The following ZFYVE1 variants were observed in gnomAD, a reference collection of about 807,000 sequenced individuals.
ZFYVE1 encodes the protein zinc finger FYVE-type containing 1.
ZFYVE1 carries 30 observed loss-of-function variants against 74.4 expected under a neutral mutation model. The observed-to-expected ratio is 0.40, with a 90% confidence interval of 0.30 to 0.55. The LOEUF (loss-of-function observed/expected upper bound fraction) is 0.55, where lower values mean the gene tolerates loss of function less well. ZFYVE1 is among the 20% of genes least tolerant of loss of function. The pLI is 0.42. For synonymous variants in ZFYVE1, 335 were observed against 385.1 expected (o/e 0.87, Z 1.52); for missense variants, 703 against 1,011.6 (o/e 0.69, Z 4.14).
At chr14:73,004,976 A>T (rs1893947556) in intron 2 of ZFYVE1, among the ~76,000 whole-genome samples, 1 of 147,806 alleles carries the variant, frequency 6.8e-6, no homozygotes, top group African/African-American at 2.5e-5. Flanking sequence ...AGCCTGGGTG[A>T]CAGTGAGACC....
rs570699151 is a variant in ZFYVE1, at chr14:72,970,606, G to T, written c.*276C>A. On this transcript the variant is annotated 3_prime_UTR_variant, in exon 12 of 12. Transcript: ENST00000556143. ...CTTTCATATGTATATATGAGAGAGAGATATACACATATATATTCATTATTT... is the reference window on the plus strand; with the variant it reads ...CTTTCATATGTATATATGAGAGAGATATATACACATATATATTCATTATTT... 1.3e-4 allele frequency: 66 copies of T among 494,142 alleles called. No individual in the cohort carries two copies. In the Admixed American group the frequency reaches 2.0e-3, roughly 15 times the overall value. 30.6% of individuals were successfully genotyped at this position (494,142 alleles called of 1,614,324 possible). A position where few individuals can be genotyped will look rare whatever the true frequency, so the allele number is the denominator to read the frequency against.
intron 2 of ZFYVE1, among the ~76,000 whole-genome samples, chr14:73,004,805 C>T (rs1241901913): frequency 2.0e-5 from 3 of 152,102 alleles, no homozygotes; most frequent in African/African-American, 7.2e-5. Context: ...TGAGACCAGC[C>T]TTGGCAACCT....
chr14:72,969,569 G>A lies in ZFYVE1; in HGVS notation c.*1313C>T, dbSNP rs2140336620. On this transcript the variant is annotated 3_prime_UTR_variant, in exon 12 of 12. Transcript: ENST00000556143. ...GCTGAGAGGGACGACACACTCCAGG[G>A]CTCATGTCACACCGATAGGCGCACC... 2 of 636,502 alleles carry A rather than the reference G, an allele frequency of 3.1e-6. No homozygotes were observed. Among genetic ancestry groups the A allele is most frequent in the East Asian group, 2.7e-5 (1 of 36,814 alleles). The allele number at this position is 636,502 out of a possible 1,614,324, so 39.4% of individuals were successfully genotyped here.
At chr14:73,008,459 A>G (rs142948664) in intron 2 of ZFYVE1, among the ~76,000 whole-genome samples, 3 of 152,162 alleles carry the variant, frequency 2.0e-5, no homozygotes, top group Non-Finnish European at 2.9e-5. Context: ...TGCCTGGCCT[A>G]ATAAAAGTGT....
At chr14:72,985,498 A>ATT (rs558711759) in intron 4 of ZFYVE1, among the ~76,000 whole-genome samples, 1 of 145,666 alleles carries the variant, frequency 6.9e-6, no homozygotes, top group African/African-American at 2.5e-5. Flanking sequence ...TGTATGGATA[A>ATT]TTTTTTTTTT....
At chr14:72,991,436 G>A (rs1054069161) in intron 4 of ZFYVE1, among the ~76,000 whole-genome samples, 12 of 152,004 alleles carry the variant, frequency 7.9e-5, no homozygotes, top group Non-Finnish European at 1.6e-4. Context: ...TGATCCGCCC[G>A]CCTCGGCTTC....
chr14:73,019,520 T>G (rs1894271136), intron 2 of ZFYVE1, among the ~76,000 whole-genome samples: 1 of 152,204 alleles, frequency 6.6e-6, no homozygotes, highest in Admixed American at 6.5e-5. Context: ...GACACTTTAC[T>G]GCTATTAGGA....
At chr14:72,990,298 T>C (rs1893576712) in intron 4 of ZFYVE1, among the ~76,000 whole-genome samples, 3 of 151,920 alleles carry the variant, frequency 2.0e-5, no homozygotes, top group Non-Finnish European at 2.9e-5. Context: ...TAGCTCAGTA[T>C]AACACAGCCC....
chr14:73,026,412 TAATC>T (rs1737290408), intron 1 of ZFYVE1, among the ~76,000 whole-genome samples: 1 of 152,012 alleles, frequency 6.6e-6, no homozygotes, highest in Non-Finnish European at 1.5e-5. Context: ...TCCCCTACAG[TAATC>T]AATCTATCAA....
chr14:73,005,455 A>G (rs1208666685), intron 2 of ZFYVE1, among the ~76,000 whole-genome samples: 3 of 152,142 alleles, frequency 2.0e-5, no homozygotes, highest in African/African-American at 7.2e-5. Context: ...TGGCCTTACC[A>G]ACAGCAAACG....
intron 2 of ZFYVE1, among the ~76,000 whole-genome samples, chr14:73,015,585 T>C (rs1047375894): frequency 5.9e-5 from 9 of 152,102 alleles, no homozygotes; most frequent in Admixed American, 5.2e-4. Context: ...GGTTTTGCCA[T>C]GTTAGCCAGG....
intron 2 of ZFYVE1, among the ~76,000 whole-genome samples, chr14:73,003,463 G>A (rs1028577907): frequency 7.2e-5 from 11 of 152,252 alleles, no homozygotes; most frequent in Middle Eastern, 3.4e-3. Flanking sequence ...CCAAATCCCC[G>A]TGCTTTGGGA....
At chr14:72,983,413 C>T (rs182098277) in intron 4 of ZFYVE1, among the ~76,000 whole-genome samples, 9,521 of 137,560 alleles carry the variant, frequency 0.069, 402 homozygotes, top group Admixed American at 0.11. Context: ...CAAGTGTTCT[C>T]ATTGTTCAAT....
intron 4 of ZFYVE1, among the ~76,000 whole-genome samples, chr14:72,986,405 T>C (rs181201009): frequency 6.7e-6 from 1 of 150,038 alleles, no homozygotes; most frequent in African/African-American, 2.5e-5. Flanking sequence ...GCCTGACTAA[T>C]GAATCAGACC....
chr14:73,006,658 G>C (rs924624603), intron 2 of ZFYVE1, among the ~76,000 whole-genome samples: 1 of 148,674 alleles, frequency 6.7e-6, no homozygotes, highest in African/African-American at 2.5e-5. Context: ...CTCCCAAGAA[G>C]AGTCTGTAAA....
chr14:72,969,567 G>C lies in ZFYVE1; in HGVS notation c.*1315C>G, dbSNP rs1343532993. 4 of 631,230 alleles carry C rather than the reference G, an allele frequency of 6.3e-6. No individual in the cohort carries two copies. Among genetic ancestry groups the C allele is most frequent in the Non-Finnish European group, 1.1e-5 (4 of 353,334 alleles). The allele number at this position is 631,230 out of a possible 1,614,324, so 39.1% of individuals were successfully genotyped here. ...GGGCTGAGAGGGACGACACACTCCAGGGCTCATGTCACACCGATAGGCGCA... is the reference window on the plus strand; with the variant it reads ...GGGCTGAGAGGGACGACACACTCCACGGCTCATGTCACACCGATAGGCGCA... On this transcript the variant is annotated 3_prime_UTR_variant, in exon 12 of 12. Coordinates refer to ENST00000556143, the MANE Select transcript of ZFYVE1 (RefSeq NM_021260.4).
chr14:73,010,801 A>G (rs907764003), intron 2 of ZFYVE1, among the ~76,000 whole-genome samples: 1 of 149,992 alleles, frequency 6.7e-6, no homozygotes, highest in Non-Finnish European at 1.5e-5. Context: ...AACCACACAC[A>G]AAACAAAAAA....
Position 72,969,970 on chromosome 14 carries a change from A to G in ZFYVE1, c.*912T>C. On this transcript the variant is annotated 3_prime_UTR_variant, in exon 12 of 12. Coordinates refer to ENST00000556143, the MANE Select transcript of ZFYVE1 (RefSeq NM_021260.4). ...GAACAAAGGATTAAGACACTTTAAA[A>G]TAAGCAATGAAAATCCTAGTGCGAC... 2 of 440,754 alleles carry G rather than the reference A, an allele frequency of 4.5e-6. No homozygotes were observed. Among genetic ancestry groups the G allele is most frequent in the Non-Finnish European group, 8.1e-6 (2 of 246,942 alleles). 27.3% of individuals were successfully genotyped at this position (440,754 alleles called of 1,614,324 possible). A position where few individuals can be genotyped will look rare whatever the true frequency, so the allele number is the denominator to read the frequency against.
chr14:73,003,237 T>C (rs1489983691), intron 2 of ZFYVE1, among the ~76,000 whole-genome samples: 4 of 151,866 alleles, frequency 2.6e-5, no homozygotes, highest in African/African-American at 9.7e-5. Context: ...TTTGTACTTT[T>C]AGTAGAGATG....
Sources: gnomAD v4.1 joint callset for allele counts (sites outside exome capture counted in the v4.1 genomes callset) on GRCh38, gnomAD v4.1.1 for gene constraint, MANE v1.5 for transcripts, NCBI Gene and HGNC (gene_info 2026-07-23, HGNC 2026-07-21) for gene names.